The following MRTFA variants were observed in gnomAD, a reference collection of about 807,000 sequenced individuals.
The protein encoded by MRTFA is myocardin related transcription factor A.
Under a neutral mutation model 83.5 loss-of-function variants are expected in MRTFA, and 20 were observed. That is an observed-to-expected ratio of 0.24 (90% CI 0.17 to 0.35). MRTFA has a LOEUF of 0.35. Ranked by LOEUF, MRTFA falls within the 10% of genes least tolerant of loss-of-function variation. The probability of loss-of-function intolerance (pLI) is 1.00; values close to 1 mark genes in which losing one functional copy is unlikely to be tolerated. For missense variants in MRTFA, 1,200 were observed against 1,224.7 expected, an observed-to-expected ratio of 0.98 and a Z score of 0.30; for synonymous variants, 659 against 541.2, an observed-to-expected ratio of 1.22 and a Z score of -3.02.
intron 3 of MRTFA, among the ~76,000 whole-genome samples, chr22:40,541,753 G>A (rs551485418): frequency 2.2e-4 from 32 of 148,018 alleles, no homozygotes; most frequent in Middle Eastern, 8.3e-3. Flanking sequence ...TGTAATCTCC[G>A]CCTCCCGGGT....
chr22:40,581,796 G>T (rs558181039), intron 2 of MRTFA, among the ~76,000 whole-genome samples: 1 of 152,030 alleles, frequency 6.6e-6, no homozygotes, highest in Non-Finnish European at 1.5e-5. Flanking sequence ...ATGATGATAC[G>T]GAGTATCTTT....
chr22:40,597,128 T>C (rs1273416707), intron 1 of MRTFA, among the ~76,000 whole-genome samples: 1 of 152,248 alleles, frequency 6.6e-6, no homozygotes, highest in Non-Finnish European at 1.5e-5. Flanking sequence ...ACAAGAATCA[T>C]CTTTTATACA....
At chr22:40,445,131 C>T (rs1450380591) in intron 4 of MRTFA, among the ~76,000 whole-genome samples, 1 of 152,088 alleles carries the variant, frequency 6.6e-6, no homozygotes, top group Non-Finnish European at 1.5e-5. Flanking sequence ...TTCATTACCC[C>T]CAACATACAC....
chr22:40,410,636 G>A lies in MRTFA; in HGVS notation c.*754C>T, dbSNP rs1444773029. On this transcript the variant is annotated 3_prime_UTR_variant, in exon 15 of 15. Transcript: ENST00000355630. The stretch of plus-strand genomic sequence containing the variant: ...ATAGGCCGTGGCAGGGTACCTACAT[G>A]TCAATCACACGTGATGGGTGGGCCT... 1 of 233,380 alleles carries A rather than the reference G, an allele frequency of 4.3e-6. No individual in the cohort carries two copies. The highest frequency in any genetic ancestry group is 2.2e-5 in the African/African-American group (1 of 45,334). 14.5% of individuals were successfully genotyped at this position (233,380 alleles called of 1,614,324 possible). A position where few individuals can be genotyped will look rare whatever the true frequency, so the allele number is the denominator to read the frequency against.
At chr22:40,457,229 G>C (rs931855858) in intron 4 of MRTFA, among the ~76,000 whole-genome samples, 1 of 151,984 alleles carries the variant, frequency 6.6e-6, no homozygotes, top group Non-Finnish European at 1.5e-5. Flanking sequence ...GCTGGGCGTG[G>C]TGGCCGGTCC....
At chr22:40,550,803 T>C (rs1434706011) in intron 3 of MRTFA, among the ~76,000 whole-genome samples, 1 of 151,954 alleles carries the variant, frequency 6.6e-6, no homozygotes, top group Non-Finnish European at 1.5e-5. Context: ...TTGGGTGGTA[T>C]TTGAACACAC....
chr22:40,479,236 A>G (rs1232468000), intron 3 of MRTFA, among the ~76,000 whole-genome samples: 1 of 152,120 alleles, frequency 6.6e-6, no homozygotes, highest in African/African-American at 2.4e-5. Flanking sequence ...TACAGTAAGG[A>G]GCAGACAAGA....
chr22:40,584,288 T>A (rs2055991858), intron 2 of MRTFA, among the ~76,000 whole-genome samples: 1 of 152,160 alleles, frequency 6.6e-6, no homozygotes, highest in Non-Finnish European at 1.5e-5. Flanking sequence ...GGTCTCCAAA[T>A]AAGTAAGTGG....
intron 9 of MRTFA, among the ~76,000 whole-genome samples, chr22:40,422,089 G>T (rs1401902883): frequency 6.6e-6 from 1 of 152,198 alleles, no homozygotes; most frequent in African/African-American, 2.4e-5. Context: ...CAGAGCCACA[G>T]AGAGCCTGTG....
intron 2 of MRTFA, among the ~76,000 whole-genome samples, chr22:40,593,971 G>C (rs915599692): frequency 1.6e-4 from 25 of 152,210 alleles, no homozygotes; most frequent in African/African-American, 5.8e-4. Context: ...ACCTTGACAG[G>C]AAATATTCTG....
intron 3 of MRTFA, among the ~76,000 whole-genome samples, chr22:40,520,169 TCACA>T (rs2054839890): frequency 6.6e-6 from 1 of 152,198 alleles, no homozygotes; most frequent in African/African-American, 2.4e-5. Flanking sequence ...ATTTTTTTCC[TCACA>T]CAATTTAAAA....
intron 2 of MRTFA, among the ~76,000 whole-genome samples, chr22:40,583,102 A>C (rs1215725371): frequency 6.6e-6 from 1 of 152,198 alleles, no homozygotes; most frequent in Non-Finnish European, 1.5e-5. Context: ...CAAGAGCTCT[A>C]TTACTAATAT....
intron 1 of MRTFA, among the ~76,000 whole-genome samples, chr22:40,613,045 T>A (rs1008238781): frequency 1.3e-5 from 2 of 152,226 alleles, no homozygotes; most frequent in Non-Finnish European, 2.9e-5. Flanking sequence ...CTAATTTCTA[T>A]GACTACAGGT....
chr22:40,470,516 A>G (rs984834669), intron 3 of MRTFA, among the ~76,000 whole-genome samples: 2 of 151,786 alleles, frequency 1.3e-5, no homozygotes, highest in African/African-American at 2.4e-5. Context: ...GATCTGAAAT[A>G]CATGCGGTAA....
intron 4 of MRTFA, among the ~76,000 whole-genome samples, chr22:40,443,509 T>G (rs1399942965): frequency 6.6e-6 from 1 of 151,662 alleles, no homozygotes; most frequent in Non-Finnish European, 1.5e-5. Flanking sequence ...TATCCAGGCT[T>G]AAAGCTGAAG....
At chr22:40,592,689 C>T (rs1196047367) in intron 2 of MRTFA, among the ~76,000 whole-genome samples, 3 of 151,960 alleles carry the variant, frequency 2.0e-5, no homozygotes, top group Non-Finnish European at 2.9e-5. Flanking sequence ...GACAGGATTT[C>T]ACCATGTTGC....
At position 40,611,237 on chromosome 22, in the gene MRTFA, C is replaced by T. The variant is rs1044376023; in HGVS notation, c.-83-16502G>A. ...TACAGGCGTGAGCCACTGCGCCCAGCCTATTTTTACTTTTTATTTTTAGAG... is the reference window on the plus strand; with the variant it reads ...TACAGGCGTGAGCCACTGCGCCCAGTCTATTTTTACTTTTTATTTTTAGAG... On this transcript the variant is annotated intron_variant, in intron 1 of 14. Coordinates refer to ENST00000355630, the MANE Select transcript of MRTFA (RefSeq NM_020831.6). Among the ~76,000 whole-genome samples the T allele has an allele frequency of 5.9e-5, 9 of 152,028 alleles. No homozygotes were observed. The South Asian group carries it at 1.9e-3, about 32-fold the overall frequency.
At chr22:40,467,857 T>C (rs2053835204) in intron 3 of MRTFA, among the ~76,000 whole-genome samples, 1 of 152,196 alleles carries the variant, frequency 6.6e-6, no homozygotes, top group African/African-American at 2.4e-5. Flanking sequence ...TCCACAAATT[T>C]AATATATCAT....
intron 3 of MRTFA, among the ~76,000 whole-genome samples, chr22:40,502,158 C>T (rs2054497769): frequency 1.4e-5 from 2 of 143,650 alleles, no homozygotes; most frequent in African/African-American, 2.6e-5. Flanking sequence ...GGGCGGGGGG[C>T]TGACCCCCCC....
Sources: gnomAD v4.1 joint callset for allele counts (sites outside exome capture counted in the v4.1 genomes callset) on GRCh38, gnomAD v4.1.1 for gene constraint, MANE v1.5 for transcripts, NCBI Gene and HGNC (gene_info 2026-07-23, HGNC 2026-07-21) for gene names.